STARD13: variants seen among roughly 807,000 people sequenced by gnomAD.
STARD13 encodes StAR related lipid transfer domain containing 13, also known as stAR-related lipid transfer protein 13.
In STARD13, 62 loss-of-function variants were observed where a neutral mutation model predicts 106.4. That is an observed-to-expected ratio of 0.58 (90% CI 0.48 to 0.72). The LOEUF (loss-of-function observed/expected upper bound fraction) is 0.72. STARD13 is among the 30% of genes least tolerant of loss of function. STARD13 has a pLI of 0.00. For missense variants in STARD13, 1,387 were observed against 1,424.0 expected (o/e 0.97, Z 0.42); for synonymous variants, 565 against 553.0 (o/e 1.02, Z -0.31).
the STARD13 span, among the ~76,000 whole-genome samples, chr13:33,595,211 G>A: frequency 6.6e-6 from 1 of 152,164 alleles, no homozygotes; most frequent in Non-Finnish European, 1.5e-5. Context: ...TTGGGGTTAA[G>A]AGAGAAGCTT....
At chr13:33,539,062 C>T in the STARD13 span, among the ~76,000 whole-genome samples, 1 of 152,152 alleles carries the variant, frequency 6.6e-6, no homozygotes, top group East Asian at 1.9e-4. Flanking sequence ...AGCCACTGCG[C>T]CCGGCCTTGC....
In STARD13 at chr13:33,298,355, T is replaced by C. The variant is rs895840809; in HGVS notation, c.124+51935A>G. Among the ~76,000 whole-genome samples the C allele has an allele frequency of 4.0e-5, 6 of 151,324 alleles. No homozygotes were observed. In the Middle Eastern group the frequency reaches 0.01, roughly 257 times the overall value. Reference sequence around the variant, plus strand: ...AGGGTTTCACCATGTTGGTCCAGTCTAGAACTCCTGACCTCAAATGATCCA... The same window carrying C: ...AGGGTTTCACCATGTTGGTCCAGTCCAGAACTCCTGACCTCAAATGATCCA... On this transcript the variant is annotated intron_variant, in intron 1 of 5. Coordinates refer to the STARD13 transcript ENST00000567873.
the STARD13 span, among the ~76,000 whole-genome samples, chr13:33,482,091 T>C: frequency 6.6e-6 from 1 of 152,196 alleles, no homozygotes; most frequent in Non-Finnish European, 1.5e-5. Flanking sequence ...ATTGTGGTTA[T>C]GTTTTTAAAA....
At chr13:33,540,456 A>C in the STARD13 span, among the ~76,000 whole-genome samples, 1 of 152,240 alleles carries the variant, frequency 6.6e-6, no homozygotes, top group South Asian at 2.1e-4. Context: ...TGGATGCTGA[A>C]CAAAGGGAGG....
At chr13:33,480,813 C>T in the STARD13 span, among the ~76,000 whole-genome samples, 1 of 152,070 alleles carries the variant, frequency 6.6e-6, no homozygotes, top group Admixed American at 6.6e-5. Context: ...GGAAAGAGAA[C>T]TCCTTGGAGA....
chr13:33,268,341 T>A (rs1342191509), intron 1 of STARD13, among the ~76,000 whole-genome samples: 1 of 152,236 alleles, frequency 6.6e-6, no homozygotes, highest in Non-Finnish European at 1.5e-5. Flanking sequence ...TTTATGTATT[T>A]ATCTAAGCTC....
At position 33,248,267 on chromosome 13, in the gene STARD13, C is replaced by A. The variant is rs569166088; in HGVS notation, c.169+37203G>T. Among the ~76,000 whole-genome samples, 210 of 152,132 alleles carry A rather than the reference C, an allele frequency of 1.4e-3. 1 individual carries two copies. Among genetic ancestry groups the A allele is most frequent in the Non-Finnish European group, 2.0e-3 (139 of 67,982 alleles). The stretch of plus-strand genomic sequence containing the variant: ...ATAAAAAATTAGCTGGGTGTGGTGG[C>A]AACCAGCTGTGGTGAGCTATAATCC... On this transcript the variant is annotated intron_variant, in intron 1 of 13. Transcript: ENST00000336934.
the STARD13 span, among the ~76,000 whole-genome samples, chr13:33,447,561 C>T: frequency 1.3e-5 from 2 of 152,188 alleles, no homozygotes; most frequent in African/African-American, 2.4e-5. Flanking sequence ...CTTCCTTACA[C>T]GTTCCTCTGG....
At chr13:33,413,225 A>G in the STARD13 span, among the ~76,000 whole-genome samples, 1 of 152,150 alleles carries the variant, frequency 6.6e-6, no homozygotes, top group African/African-American at 2.4e-5. Context: ...ATAGAATGAG[A>G]AAAAATACAA....
At chr13:33,414,713 C>A in the STARD13 span, among the ~76,000 whole-genome samples, 1 of 152,118 alleles carries the variant, frequency 6.6e-6, no homozygotes, top group African/African-American at 2.4e-5. Context: ...TGAAAATGTT[C>A]TCTATCTTGA....
At chr13:33,313,772 T>A (rs1456664568) in intron 1 of STARD13, among the ~76,000 whole-genome samples, 1 of 152,182 alleles carries the variant, frequency 6.6e-6, no homozygotes, top group African/African-American at 2.4e-5. Context: ...CCTCTTACTC[T>A]AGGGCAATCA....
the STARD13 span, chr13:33,654,790 A>G: frequency 2.0e-5 from 3 of 152,228 alleles, no homozygotes; most frequent in African/African-American, 7.2e-5. Context: ...TCTTGGAAAT[A>G]CTTCTGTCTG....
At chr13:33,674,840 G>A in the STARD13 span, among the ~76,000 whole-genome samples, 2,040 of 152,138 alleles carry the variant, frequency 0.013, 39 homozygotes, top group African/African-American at 0.045. Flanking sequence ...AGAAATTGCC[G>A]AGAATGGCTC....
the STARD13 span, among the ~76,000 whole-genome samples, chr13:33,438,833 T>C: frequency 1.3e-5 from 2 of 152,058 alleles, no homozygotes; most frequent in African/African-American, 4.8e-5. Flanking sequence ...AATGAGTGTA[T>C]AAAAATGGAA....
At chr13:33,564,795 C>G in the STARD13 span, among the ~76,000 whole-genome samples, 7 of 146,070 alleles carry the variant, frequency 4.8e-5, 1 homozygote, top group Admixed American at 4.2e-4. Flanking sequence ...AGATCGAGAC[C>G]ATCCTGGCTA....
the STARD13 span, among the ~76,000 whole-genome samples, chr13:33,595,821 C>T: frequency 2.0e-5 from 3 of 152,256 alleles, no homozygotes; most frequent in East Asian, 5.8e-4. Flanking sequence ...TATTAAAATA[C>T]TCTCTTAAAA....
At chr13:33,236,404 A>C (rs1889192269) in intron 1 of STARD13, among the ~76,000 whole-genome samples, 2 of 152,224 alleles carry the variant, frequency 1.3e-5, no homozygotes, top group South Asian at 4.1e-4. Flanking sequence ...GTGGAAACGC[A>C]TGGCTGCGTG....
chr13:33,598,184 A>T, the STARD13 span, among the ~76,000 whole-genome samples: 1 of 152,106 alleles, frequency 6.6e-6, no homozygotes, highest in African/African-American at 2.4e-5. Context: ...ACTCCTAGAG[A>T]TTTGGTATCC....
At chr13:33,225,687 G>T (rs752928200) in intron 1 of STARD13, among the ~76,000 whole-genome samples, 96 of 151,054 alleles carry the variant, frequency 6.4e-4, no homozygotes, top group Admixed American at 1.3e-3. Context: ...TTGGCACAAT[G>T]ATCTTTGATA....
Sources: gnomAD v4.1 joint callset for allele counts (sites outside exome capture counted in the v4.1 genomes callset) on GRCh38, gnomAD v4.1.1 for gene constraint, MANE v1.5 for transcripts, NCBI Gene and HGNC (gene_info 2026-07-23, HGNC 2026-07-21) for gene names.